DLG2: variants seen among roughly 807,000 people sequenced by gnomAD.
The protein encoded by DLG2 is discs large MAGUK scaffold protein 2.
Under a neutral mutation model 132.5 loss-of-function variants are expected in DLG2, and 45 were observed. That is an observed-to-expected ratio of 0.34 (90% CI 0.27 to 0.44). DLG2 has a LOEUF of 0.44. Ranked by LOEUF, DLG2 falls within the 20% of genes least tolerant of loss-of-function variation. The pLI is 1.00. For synonymous variants in DLG2, 424 were observed against 419.6 expected (o/e 1.01, Z -0.13); for missense variants, 1,045 against 1,196.9 (o/e 0.87, Z 1.87).
intron 4 of DLG2, among the ~76,000 whole-genome samples, chr11:85,225,186 A>G (rs764513183): frequency 1.3e-5 from 2 of 152,140 alleles, no homozygotes; most frequent in Non-Finnish European, 2.9e-5. Context: ...GTAAGAAAAA[A>G]AAAGCACAAG....
chr11:85,582,913 G>T (rs1461112056), intron 3 of DLG2, among the ~76,000 whole-genome samples: 5 of 148,460 alleles, frequency 3.4e-5, no homozygotes. Context: ...AGGTACATTA[G>T]ATGATTCAAT....
chr11:84,733,665 G>A (rs924291262), intron 6 of DLG2, among the ~76,000 whole-genome samples: 1 of 152,028 alleles, frequency 6.6e-6, no homozygotes, highest in African/African-American at 2.4e-5. Flanking sequence ...GTCAATTTTG[G>A]CTTTTGTTGC....
chr11:85,512,617 C>G (rs1446196066), intron 3 of DLG2, among the ~76,000 whole-genome samples: 1 of 152,034 alleles, frequency 6.6e-6, no homozygotes, highest in African/African-American at 2.4e-5. Flanking sequence ...CAGGTTTATT[C>G]TTGCTCAGTG....
intron 6 of DLG2, among the ~76,000 whole-genome samples, chr11:85,003,257 A>G (rs191087924): frequency 1.3e-5 from 2 of 152,316 alleles, no homozygotes; most frequent in African/African-American, 4.8e-5. Context: ...TACAACGTAA[A>G]TAACACAAAA....
At chr11:85,005,041 G>C (rs778562609) in intron 6 of DLG2, among the ~76,000 whole-genome samples, 2 of 152,076 alleles carry the variant, frequency 1.3e-5, no homozygotes, top group East Asian at 3.9e-4. Flanking sequence ...GGTTGTAGAT[G>C]TGTGGTGTTA....
intron 5 of DLG2, among the ~76,000 whole-genome samples, chr11:85,143,929 T>C (rs763667274): frequency 6.6e-6 from 1 of 151,912 alleles, no homozygotes; most frequent in Non-Finnish European, 1.5e-5. Flanking sequence ...TTCTATAATA[T>C]CTATTAGGCC....
At chr11:84,331,462 T>A (rs1040713497) in intron 7 of DLG2, among the ~76,000 whole-genome samples, 266 of 146,010 alleles carry the variant, frequency 1.8e-3, no homozygotes, top group Admixed American at 2.5e-3. Context: ...AAAAAAAAAA[T>A]AAATAAATAA....
intron 6 of DLG2, among the ~76,000 whole-genome samples, chr11:84,906,845 G>A (rs2091573765): frequency 6.6e-6 from 1 of 152,100 alleles, no homozygotes; most frequent in Non-Finnish European, 1.5e-5. Flanking sequence ...GGCATGGAAA[G>A]CTAAAAAATT....
chr11:83,942,292 G>C (rs2082834439), intron 14 of DLG2, among the ~76,000 whole-genome samples: 2 of 152,002 alleles, frequency 1.3e-5, no homozygotes, highest in Admixed American at 1.3e-4. Context: ...TAAATTTGAT[G>C]ACATATAAAG....
At chr11:84,826,668 T>C (rs550167255) in intron 6 of DLG2, among the ~76,000 whole-genome samples, 1 of 151,806 alleles carries the variant, frequency 6.6e-6, no homozygotes, top group South Asian at 2.1e-4. Context: ...AGTGCTCTAT[T>C]CATTTGTGCC....
intron 8 of DLG2, among the ~76,000 whole-genome samples, chr11:84,177,007 C>T (rs1299902532): frequency 6.6e-6 from 1 of 151,898 alleles, no homozygotes; most frequent in African/African-American, 2.4e-5. Context: ...TTTTCACTTG[C>T]ATTCTATTAA....
At chr11:83,713,467 T>C (rs1247556568) in intron 18 of DLG2, among the ~76,000 whole-genome samples, 1 of 152,090 alleles carries the variant, frequency 6.6e-6, no homozygotes, top group African/African-American at 2.4e-5. Context: ...AAAGAAAGTA[T>C]TTAAATGTAG....
intron 6 of DLG2, among the ~76,000 whole-genome samples, chr11:84,751,423 A>G (rs1301564718): frequency 1.3e-5 from 2 of 152,130 alleles, no homozygotes; most frequent in African/African-American, 4.8e-5. Flanking sequence ...TAAAAACTGT[A>G]GGCATTATTT....
At chr11:85,245,759 G>A (rs2076102448) in intron 4 of DLG2, among the ~76,000 whole-genome samples, 1 of 151,798 alleles carries the variant, frequency 6.6e-6, no homozygotes, top group Admixed American at 6.6e-5. Context: ...TTCCCTCTCT[G>A]GCTTTACCTG....
chr11:83,746,212 C>T (rs1216995718), intron 18 of DLG2, among the ~76,000 whole-genome samples: 5 of 152,182 alleles, frequency 3.3e-5, no homozygotes, highest in African/African-American at 1.2e-4. Flanking sequence ...TTTGACCCAG[C>T]CATCCCATTA....
Position 84,458,462 on chromosome 11 carries a change from A to G in DLG2, c.519+76108T>C, listed in dbSNP as rs573276360. On this transcript the variant is annotated intron_variant, in intron 7 of 27. Coordinates refer to ENST00000376104, the MANE Select transcript of DLG2 (RefSeq NM_001142699.3). ...TCTTTTCCTAATCTTTGCCAAATTG[A>G]TAGCTTAAAATCAGTACCCATTGGT... 4.6e-5 allele frequency among the ~76,000 whole-genome samples: 7 copies of G among 150,932 alleles called. 1 individual carries two copies. The South Asian group carries it at 1.5e-3, about 31-fold the overall frequency.
At chr11:83,622,385 A>C (rs1203554969) in intron 19 of DLG2, among the ~76,000 whole-genome samples, 1 of 152,134 alleles carries the variant, frequency 6.6e-6, no homozygotes, top group East Asian at 1.9e-4. Flanking sequence ...TGGCTGTAGA[A>C]TCTATCCTGG....
chr11:84,996,792 C>T (rs1471122243), intron 6 of DLG2, among the ~76,000 whole-genome samples: 1 of 152,008 alleles, frequency 6.6e-6, no homozygotes, highest in African/African-American at 2.4e-5. Flanking sequence ...GAGCACATTT[C>T]CAAAAAATGA....
chr11:85,602,648 A>C (rs534782940), intron 2 of DLG2, among the ~76,000 whole-genome samples: 4 of 152,202 alleles, frequency 2.6e-5, no homozygotes, highest in African/African-American at 9.6e-5. Context: ...CTTTCAAGTC[A>C]TCAACTAGAT....
Sources: gnomAD v4.1 joint callset for allele counts (sites outside exome capture counted in the v4.1 genomes callset) on GRCh38, gnomAD v4.1.1 for gene constraint, MANE v1.5 for transcripts, NCBI Gene and HGNC (gene_info 2026-07-23, HGNC 2026-07-21) for gene names.